CSMD3: variants seen among roughly 807,000 people sequenced by gnomAD.
CSMD3 encodes CUB and sushi domain-containing protein 3.
Under a neutral mutation model 435.2 loss-of-function variants are expected in CSMD3, and 177 were observed. The ratio of observed to expected loss-of-function variants is 0.41; its 90% CI spans 0.36 to 0.46. The LOEUF (loss-of-function observed/expected upper bound fraction) is 0.46. Ranked by LOEUF, CSMD3 falls within the 20% of genes least tolerant of loss-of-function variation. The pLI is 0.34. For missense variants in CSMD3, 4,265 were observed against 4,504.6 expected (o/e 0.95, Z 1.52); for synonymous variants, 1,656 against 1,520.5 (o/e 1.09, Z -2.07).
intron 22 of CSMD3, among the ~76,000 whole-genome samples, chr8:112,603,039 G>A (rs1214263010): frequency 6.6e-6 from 1 of 152,128 alleles, no homozygotes; most frequent in African/African-American, 2.4e-5. Flanking sequence ...CACCATGGCA[G>A]GCTAATTTTT....
In CSMD3 at chr8:113,112,598, G is replaced by A. The variant is rs77146366; in HGVS notation, c.710-13635C>T. 5.0e-4 allele frequency among the ~76,000 whole-genome samples: 75 copies of A among 151,462 alleles called. 1 individual carries two copies. The East Asian group carries it at 9.2e-3, about 19-fold the overall frequency. ...CTAGAAAGCCCAGTTCTTGGACTGAGAAGTAGTCATGAGACCGAAGTCACT... is the reference window on the plus strand; with the variant it reads ...CTAGAAAGCCCAGTTCTTGGACTGAAAAGTAGTCATGAGACCGAAGTCACT... On this transcript the variant is annotated intron_variant, in intron 4 of 70. Transcript: ENST00000297405.
chr8:112,313,500 A>AT, intron 49 of CSMD3, among the ~76,000 whole-genome samples: 1 of 152,226 alleles, frequency 6.6e-6, no homozygotes, highest in Middle Eastern at 3.4e-3. Flanking sequence ...CACTATTAAT[A>AT]TTTTTTGTCA....
intron 12 of CSMD3, among the ~76,000 whole-genome samples, chr8:112,814,376 T>C (rs527771021): frequency 6.6e-6 from 1 of 152,280 alleles, no homozygotes; most frequent in South Asian, 2.1e-4. Flanking sequence ...TTTAATAAAA[T>C]AACAGGGAGG....
At chr8:112,400,946 C>T (rs1831281239) in intron 35 of CSMD3, among the ~76,000 whole-genome samples, 1 of 152,116 alleles carries the variant, frequency 6.6e-6, no homozygotes, top group Non-Finnish European at 1.5e-5. Context: ...GTGGCTCACA[C>T]CTGTAATCCC....
intron 1 of CSMD3, among the ~76,000 whole-genome samples, chr8:113,341,797 C>A (rs553439473): frequency 6.6e-6 from 1 of 152,040 alleles, no homozygotes; most frequent in Non-Finnish European, 1.5e-5. Flanking sequence ...TAAAGTTTAT[C>A]AGTCGTATTG....
intron 61 of CSMD3, among the ~76,000 whole-genome samples, chr8:112,262,955 TG>T (rs1037244619): frequency 1.3e-5 from 2 of 152,020 alleles, no homozygotes; most frequent in African/African-American, 4.8e-5. Context: ...TATCCCATGC[TG>T]GGAAAGGAAA....
At chr8:112,841,230 T>C (rs1309436100) in intron 11 of CSMD3, among the ~76,000 whole-genome samples, 1 of 151,668 alleles carries the variant, frequency 6.6e-6, no homozygotes, top group Non-Finnish European at 1.5e-5. Context: ...AATCTTTCTT[T>C]AGTTCTACAG....
chr8:112,489,000 A>G (rs576263652), intron 31 of CSMD3, among the ~76,000 whole-genome samples: 34 of 152,312 alleles, frequency 2.2e-4, no homozygotes, highest in Non-Finnish European at 3.8e-4. Context: ...TTTCTTAGTT[A>G]TCATATGCAT....
At chr8:112,996,157 T>C (rs2085644771) in intron 6 of CSMD3, among the ~76,000 whole-genome samples, 1 of 151,376 alleles carries the variant, frequency 6.6e-6, no homozygotes, top group Non-Finnish European at 1.5e-5. Context: ...AGGAATGTAA[T>C]ACATAGATTA....
chr8:112,892,279 CT>C (rs995190335), intron 10 of CSMD3, among the ~76,000 whole-genome samples: 6 of 150,928 alleles, frequency 4.0e-5, no homozygotes, highest in South Asian at 4.2e-4. Flanking sequence ...AAAATTGTTC[CT>C]TTTTTTTCAA....
chr8:113,087,344 T>C (rs1049863334), intron 5 of CSMD3, among the ~76,000 whole-genome samples: 1 of 149,964 alleles, frequency 6.7e-6, no homozygotes, highest in East Asian at 2.0e-4. Flanking sequence ...CTTCACAGAA[T>C]TGGAAAAAAC....
intron 16 of CSMD3, among the ~76,000 whole-genome samples, chr8:112,680,430 C>A (rs1047346331): frequency 3.3e-5 from 5 of 152,120 alleles, no homozygotes. Flanking sequence ...AAAGCCGGAT[C>A]AAAAACTATG....
Position 112,960,669 on chromosome 8 carries a change from A to C in CSMD3, c.1343-5908T>G, listed in dbSNP as rs933796278. ...GAGAAATGTAGTAGTACAACTAAGT[A>C]TTTTAAAAAGCACACAAAAAATAAA... On this transcript the variant is annotated intron_variant, in intron 7 of 70. Transcript: ENST00000297405. 6.6e-5 allele frequency among the ~76,000 whole-genome samples: 10 copies of C among 151,892 alleles called. No individual in the cohort carries two copies. In the East Asian group the frequency reaches 1.7e-3, roughly 26 times the overall value.
intron 31 of CSMD3, among the ~76,000 whole-genome samples, chr8:112,480,453 G>A (rs1380005665): frequency 6.6e-6 from 1 of 152,126 alleles, no homozygotes; most frequent in African/African-American, 2.4e-5. Context: ...GTGTTTGGAT[G>A]TTTGTCCACT....
chr8:112,947,053 T>C (rs2130793943), intron 9 of CSMD3, among the ~76,000 whole-genome samples: 1 of 151,688 alleles, frequency 6.6e-6, no homozygotes, highest in South Asian at 2.1e-4. Context: ...AATTGAAAAA[T>C]AAAATTTACC....
rs188710493 is a variant in CSMD3 at position 112,551,801 on chromosome 8, A to T, written c.4361+793T>A. ...AGAAGCCTGTCTGAAATTCCATTGT[A>T]TATAAATGGAATTTATATTACTACT... On this transcript the variant is annotated intron_variant, in intron 26 of 70. Coordinates refer to ENST00000297405, the MANE Select transcript of CSMD3 (RefSeq NM_198123.2). 3.3e-3 allele frequency among the ~76,000 whole-genome samples: 502 copies of T among 152,230 alleles called. 4 individuals are homozygous for T. Among genetic ancestry groups the T allele is most frequent in the African/African-American group, 0.012 (482 of 41,566 alleles).
At chr8:113,294,666 A>C (rs1445868639) in intron 2 of CSMD3, among the ~76,000 whole-genome samples, 1 of 152,152 alleles carries the variant, frequency 6.6e-6, no homozygotes, top group Non-Finnish European at 1.5e-5. Context: ...GAGGTGACAA[A>C]TCTAACTTAT....
intron 13 of CSMD3, among the ~76,000 whole-genome samples, chr8:112,794,729 T>C (rs993403910): frequency 6.6e-6 from 1 of 151,918 alleles, no homozygotes. Flanking sequence ...GAACTGCCAG[T>C]CAGGGATAAA....
At position 112,290,917 on chromosome 8, in the gene CSMD3, C is replaced by T. The variant is rs576926772; in HGVS notation, c.8974+593G>A. 3.3e-5 allele frequency among the ~76,000 whole-genome samples: 5 copies of T among 152,108 alleles called. No individual in the cohort carries two copies. The East Asian group carries it at 5.8e-4, about 18-fold the overall frequency. On this transcript the variant is annotated intron_variant, in intron 56 of 70. Transcript: ENST00000297405. ...AACTGCTAAATTATTTTTCTCACTA[C>T]GTGTGTTACTTTAAGCATCTTGGCT...
Sources: gnomAD v4.1 joint callset for allele counts (sites outside exome capture counted in the v4.1 genomes callset) on GRCh38, gnomAD v4.1.1 for gene constraint, MANE v1.5 for transcripts, NCBI Gene and HGNC (gene_info 2026-07-23, HGNC 2026-07-21) for gene names.